The following ZCCHC10 variants were observed in gnomAD, a reference collection of about 807,000 sequenced individuals.
The protein encoded by ZCCHC10 is zinc finger CCHC domain-containing protein 10.
In ZCCHC10, 16 loss-of-function variants were observed where a neutral mutation model predicts 19.5. The observed-to-expected ratio is 0.82, with a 90% confidence interval of 0.56 to 1.25. The LOEUF is 1.25. Among genes scored for constraint, ZCCHC10 ranks in the 50% most tolerant of loss-of-function variants. The pLI is 0.00. For missense variants in ZCCHC10, 197 were observed against 201.0 expected (o/e 0.98, Z 0.12); for synonymous variants, 67 against 72.5 (o/e 0.92, Z 0.38).
intron 3 of ZCCHC10, chr5:133,003,324 G>T (rs1561534620): frequency 9.4e-6 from 4 of 426,344 alleles, no homozygotes; most frequent in Non-Finnish European, 1.4e-5. Context: ...CTCAGTGAAT[G>T]TGGATTACAG....
At chr5:133,008,211 T>C (rs1420010560) in intron 2 of ZCCHC10, among the ~76,000 whole-genome samples, 15 of 109,234 alleles carry the variant, frequency 1.4e-4, no homozygotes, top group Non-Finnish European at 2.3e-4. Context: ...GGTGACAGAG[T>C]GAGACTCTGT....
intron 1 of ZCCHC10, among the ~76,000 whole-genome samples, chr5:133,024,978 C>T (rs1379467867): frequency 6.6e-6 from 1 of 152,024 alleles, no homozygotes; most frequent in Non-Finnish European, 1.5e-5. Flanking sequence ...CTCCCTAAGT[C>T]TGTCTGTACA....
intron 2 of ZCCHC10, among the ~76,000 whole-genome samples, chr5:133,014,909 A>G (rs982304633): frequency 6.6e-6 from 1 of 152,182 alleles, no homozygotes; most frequent in Non-Finnish European, 1.5e-5. Context: ...GCTGGCTATC[A>G]CATCTGATAT....
chr5:133,019,443 G>A (rs191185091), intron 2 of ZCCHC10, among the ~76,000 whole-genome samples: 43 of 152,240 alleles, frequency 2.8e-4, no homozygotes, highest in Admixed American at 5.9e-4. Flanking sequence ...AAGGCTGAGG[G>A]ATGTATTGTA....
chr5:133,021,799 C>CT (rs35549614), intron 2 of ZCCHC10, among the ~76,000 whole-genome samples: 45,887 of 147,602 alleles, frequency 0.31, 7,833 homozygotes, highest in African/African-American at 0.47. Context: ...TACTTTATAA[C>CT]TTTTTTTTTT....
rs1762485398 is a variant in ZCCHC10, at chr5:132,997,137, CTCTA to C, written c.*1442_*1445del. 1 of 152,150 alleles carries C rather than the reference CTCTA, an allele frequency of 6.6e-6. No individual in the cohort carries two copies. The highest frequency in any genetic ancestry group is 1.9e-4 in the East Asian group (1 of 5,194). 9.4% of individuals were successfully genotyped at this position (152,150 alleles called of 1,614,324 possible). A position where few individuals can be genotyped will look rare whatever the true frequency, so the allele number is the denominator to read the frequency against. On this transcript the variant is annotated 3_prime_UTR_variant, in exon 5 of 5. Coordinates refer to ENST00000509437, the MANE Select transcript of ZCCHC10 (RefSeq NM_001300816.3). ...ATGTGCCTGATTGGTAATTTATTAA[CTCTA>C]TCTGTCAAGTGATAATATTCTGTAG...
At chr5:133,003,677 T>C (rs538881915) in intron 3 of ZCCHC10, among the ~76,000 whole-genome samples, 3 of 152,010 alleles carry the variant, frequency 2.0e-5, no homozygotes, top group Admixed American at 2.0e-4. Flanking sequence ...TTTTAATAAC[T>C]ATTACATTAA....
chr5:133,012,778 T>C (rs1370749965), intron 2 of ZCCHC10, among the ~76,000 whole-genome samples: 3 of 150,856 alleles, frequency 2.0e-5, no homozygotes, highest in Admixed American at 1.3e-4. Flanking sequence ...AGGCCGGGTG[T>C]GGTGGCTCAC....
In ZCCHC10 at chr5:133,000,158, A is replaced by T. The variant is rs200876728; in HGVS notation, c.285T>A (p.Asn95Lys). 3 of 1,613,918 alleles carry T rather than the reference A, an allele frequency of 1.9e-6. No individual in the cohort carries two copies. The highest frequency in any genetic ancestry group is 2.5e-6 in the Non-Finnish European group (3 of 1,179,954). Residue 95 changes from asparagine (N) to lysine (K), a missense_variant, in exon 4 of 5, where the codon AAT becomes AAA. Transcript: ENST00000509437. The stretch of plus-strand genomic sequence containing the variant: ...TTTTTTTCTTGGCCTTTCTTTCTAC[A>T]TTGGTTTCTCCAATGCTGATAAACA... ...LLLQQSIGET[N>K]VERKAKKKRS... is the part of the protein sequence containing the mutation.
chr5:133,008,571 G>A (rs1203407858), intron 2 of ZCCHC10, among the ~76,000 whole-genome samples: 2 of 149,482 alleles, frequency 1.3e-5, no homozygotes, highest in Non-Finnish European at 3.0e-5. Flanking sequence ...GAATCAACAA[G>A]GGGGTCAAGC....
At chr5:133,018,346 C>G (rs1273862787) in intron 2 of ZCCHC10, among the ~76,000 whole-genome samples, 4 of 150,842 alleles carry the variant, frequency 2.7e-5, no homozygotes, top group Non-Finnish European at 4.4e-5. Context: ...AAAGGTCTCA[C>G]TATGTTGCCC....
At chr5:133,007,488 A>T (rs1763197525) in intron 2 of ZCCHC10, among the ~76,000 whole-genome samples, 1 of 151,568 alleles carries the variant, frequency 6.6e-6, no homozygotes, top group Admixed American at 6.6e-5. Context: ...GCTTGCAGTG[A>T]GCCAAGGTTG....
chr5:133,006,864 G>A lies in ZCCHC10; in HGVS notation c.164C>T (p.Thr55Ile). The change falls in exon 3 of 5, where the codon ACT becomes ATT. Residue 55 changes from threonine (T) to isoleucine (I), a missense_variant. Thr to Ile is a moderately conservative substitution (Grantham distance 89). Coordinates refer to ENST00000509437, the MANE Select transcript of ZCCHC10 (RefSeq NM_001300816.3). ...TTTTCTTTTTCCTGTGCATTCATAA[G>A]TCCAATGTCCAAATTCCAAGCATTT... Reference protein sequence around the residue: ...CQKCLEFGHWTYECTGKRKYL... With the variant: ...CQKCLEFGHWIYECTGKRKYL... The A allele has an allele frequency of 3.1e-6, 5 of 1,612,790 alleles. No homozygotes were observed. Among genetic ancestry groups the A allele is most frequent in the Non-Finnish European group, 4.2e-6 (5 of 1,179,518 alleles).
chr5:133,003,390 CT>C, intron 3 of ZCCHC10: 2 of 273,014 alleles, frequency 7.3e-6, no homozygotes, highest in Non-Finnish European at 1.5e-5. Flanking sequence ...TATAAAGCTC[CT>C]TTAGAATGAA....
At chr5:133,012,449 C>G (rs185239961) in intron 2 of ZCCHC10, among the ~76,000 whole-genome samples, 1 of 144,470 alleles carries the variant, frequency 6.9e-6, no homozygotes, top group Non-Finnish European at 1.5e-5. Context: ...GCCTAGGCAA[C>G]AGAGTGAGAC....
chr5:133,008,755 T>C (rs1398490743), intron 2 of ZCCHC10, among the ~76,000 whole-genome samples: 2 of 151,912 alleles, frequency 1.3e-5, no homozygotes, highest in African/African-American at 2.4e-5. Context: ...TTCACGCTTG[T>C]AATCCCAGCA....
intron 2 of ZCCHC10, among the ~76,000 whole-genome samples, chr5:133,009,653 T>C (rs1212128167): frequency 1.5e-5 from 2 of 136,836 alleles, no homozygotes; most frequent in Non-Finnish European, 3.2e-5. Flanking sequence ...AAACAAGATA[T>C]GGAAGAAGAT....
At position 133,026,525 on chromosome 5, in the gene ZCCHC10, T is replaced by C; in HGVS notation, c.13A>G (p.Met5Val). 6.2e-7 allele frequency: 1 copy of C among 1,613,638 alleles called. No individual in the cohort carries two copies. Among genetic ancestry groups the C allele is most frequent in the Middle Eastern group, 1.6e-4 (1 of 6,062 alleles). The change falls in exon 1 of 5, where the codon ATG becomes GTG. Residue 5 changes from methionine to valine, a missense_variant. Transcript: ENST00000509437. MATP[M>V]HRLIARRQAF... The stretch of plus-strand genomic sequence containing the variant: ...TGTCTCCGGGCTATTAGCCGATGCA[T>C]GGGAGTCGCCATCTTAGCGCGGTCA...
At chr5:133,011,642 A>C (rs1763538397) in intron 2 of ZCCHC10, among the ~76,000 whole-genome samples, 1 of 151,044 alleles carries the variant, frequency 6.6e-6, no homozygotes. Context: ...AAAAAAAAAA[A>C]AAAAAACCTG....
Sources: gnomAD v4.1 joint callset for allele counts (sites outside exome capture counted in the v4.1 genomes callset) on GRCh38, gnomAD v4.1.1 for gene constraint, MANE v1.5 for transcripts, NCBI Gene and HGNC (gene_info 2026-07-23, HGNC 2026-07-21) for gene names.